Variants in SCG5 observed in about 807,000 individuals in gnomAD.
SCG5 encodes secretogranin V.
Under a neutral mutation model 25.7 loss-of-function variants are expected in SCG5, and 18 were observed. That is an observed-to-expected ratio of 0.70 (90% confidence interval 0.48 to 1.04). The LOEUF (loss-of-function observed/expected upper bound fraction) is 1.04, where lower values mean the gene tolerates loss of function less well. Among genes scored for constraint, SCG5 ranks in the 50% least tolerant of loss-of-function variants. SCG5 has a pLI of 0.00. For synonymous variants in SCG5, 101 were observed against 91.7 expected (o/e 1.10, Z -0.58); for missense variants, 206 against 259.8 (o/e 0.79, Z 1.42).
chr15:32,644,625 C>G (rs2053914865), intron 2 of SCG5, among the ~76,000 whole-genome samples: 1 of 152,152 alleles, frequency 6.6e-6, no homozygotes, highest in African/African-American at 2.4e-5. Context: ...TCCTTATTTC[C>G]ATGCTTTGCT....
intron 2 of SCG5, among the ~76,000 whole-genome samples, chr15:32,663,076 T>TAA (rs1191622961): frequency 8.6e-4 from 49 of 57,096 alleles, no homozygotes; most frequent in Admixed American, 1.8e-3. Context: ...TATATATATA[T>TAA]ATAATATATA....
intron 2 of SCG5, among the ~76,000 whole-genome samples, chr15:32,661,386 G>A (rs1208147758): frequency 2.0e-5 from 3 of 152,172 alleles, no homozygotes; most frequent in Non-Finnish European, 2.9e-5. Flanking sequence ...TTGGGAGGCC[G>A]AGGCGGGCGG....
chr15:32,672,326 A>G (rs1456002156), intron 2 of SCG5, among the ~76,000 whole-genome samples: 1 of 152,208 alleles, frequency 6.6e-6, no homozygotes, highest in Non-Finnish European at 1.5e-5. Flanking sequence ...ATGAATCCCC[A>G]GGGCTGCAGG....
At chr15:32,681,777 G>A (rs2054625480) in intron 3 of SCG5, among the ~76,000 whole-genome samples, 1 of 151,944 alleles carries the variant, frequency 6.6e-6, no homozygotes, top group Non-Finnish European at 1.5e-5. Context: ...CCCATAACTA[G>A]TCTGACATCA....
At chr15:32,664,086 AG>A (rs764924155) in intron 2 of SCG5, among the ~76,000 whole-genome samples, 4 of 152,226 alleles carry the variant, frequency 2.6e-5, no homozygotes, top group Non-Finnish European at 4.4e-5. Context: ...GTGAGCACCC[AG>A]TGAGAGTGGC....
intron 2 of SCG5, among the ~76,000 whole-genome samples, chr15:32,648,785 A>ATTT (rs1263631676): frequency 0.16 from 22,477 of 139,862 alleles, 1,915 homozygotes; most frequent in African/African-American, 0.24. Flanking sequence ...TTTTTTTTTA[A>ATTT]AAAAAAAACA....
intron 2 of SCG5, among the ~76,000 whole-genome samples, chr15:32,666,892 C>T (rs1220164836): frequency 6.6e-6 from 1 of 152,210 alleles, no homozygotes; most frequent in Non-Finnish European, 1.5e-5. Context: ...TGTCTAGCCT[C>T]CTCTATACAC....
chr15:32,646,197 A>G (rs1276930132), intron 2 of SCG5, among the ~76,000 whole-genome samples: 1 of 152,238 alleles, frequency 6.6e-6, no homozygotes, highest in East Asian at 1.9e-4. Context: ...CTATTACTGT[A>G]TAACAAATTA....
At chr15:32,667,677 C>CTTT (rs11457121) in intron 2 of SCG5, among the ~76,000 whole-genome samples, 35 of 145,840 alleles carry the variant, frequency 2.4e-4, no homozygotes, top group East Asian at 1.4e-3. Context: ...TAGTTTTATT[C>CTTT]TTTTTTTTTT....
At chr15:32,662,495 TAGTCTCTGAAATA>T (rs2054235895) in intron 2 of SCG5, among the ~76,000 whole-genome samples, 1 of 151,896 alleles carries the variant, frequency 6.6e-6, no homozygotes. Context: ...TTGCTTTTCT[TAGTCTCTGAAATA>T]TTTGTTAATA....
At chr15:32,692,310 G>A (rs1367721249) in intron 5 of SCG5, 3 of 981,694 alleles carry the variant, frequency 3.1e-6, no homozygotes, top group Non-Finnish European at 3.6e-6. Context: ...TGTAATATTT[G>A]TTTGCTGTCT....
chr15:32,658,259 A>G (rs953284309), intron 2 of SCG5, among the ~76,000 whole-genome samples: 30 of 151,998 alleles, frequency 2.0e-4, no homozygotes, highest in African/African-American at 7.3e-4. Context: ...GGGACATCAA[A>G]CTTAAAATGC....
At chr15:32,686,425 C>T (rs1048627590) in intron 4 of SCG5, among the ~76,000 whole-genome samples, 1 of 151,898 alleles carries the variant, frequency 6.6e-6, no homozygotes, top group Admixed American at 6.6e-5. Flanking sequence ...GAATCCAAGA[C>T]ATTTTAAAGG....
intron 2 of SCG5, among the ~76,000 whole-genome samples, chr15:32,654,870 G>T (rs1447393530): frequency 6.6e-6 from 1 of 152,142 alleles, no homozygotes; most frequent in African/African-American, 2.4e-5. Flanking sequence ...CAGCAAGTGG[G>T]ACTCGTGTTA....
chr15:32,651,978 G>A (rs2054038005), intron 2 of SCG5, among the ~76,000 whole-genome samples: 1 of 152,158 alleles, frequency 6.6e-6, no homozygotes, highest in South Asian at 2.1e-4. Flanking sequence ...CCCTGGGTGG[G>A]TATTGAGAAC....
At chr15:32,679,980 ACAT>A in intron 3 of SCG5, 65 bp downstream of exon 3, 1 of 1,379,078 alleles carries the variant, frequency 7.3e-7, no homozygotes. Flanking sequence ...AGAAATTCTA[ACAT>A]CAGCTACAAA....
chr15:32,659,256 G>A (rs2054178460), intron 2 of SCG5, among the ~76,000 whole-genome samples: 1 of 152,238 alleles, frequency 6.6e-6, no homozygotes, highest in Non-Finnish European at 1.5e-5. Flanking sequence ...GCACTGCACA[G>A]CATGTGCCGG....
At chr15:32,645,979 C>T (rs977556750) in intron 2 of SCG5, among the ~76,000 whole-genome samples, 2 of 152,074 alleles carry the variant, frequency 1.3e-5, no homozygotes, top group African/African-American at 2.4e-5. Flanking sequence ...CCACCACGCC[C>T]GGCTAATTTT....
intron 5 of SCG5, among the ~76,000 whole-genome samples, chr15:32,695,921 T>A (rs112192671): frequency 6.6e-6 from 1 of 152,140 alleles, no homozygotes; most frequent in African/African-American, 2.4e-5. Context: ...TAATAATTTT[T>A]AAAAAGACCA....
Sources: gnomAD v4.1 joint callset for allele counts (sites outside exome capture counted in the v4.1 genomes callset) on GRCh38, gnomAD v4.1.1 for gene constraint, MANE v1.5 for transcripts, NCBI Gene and HGNC (gene_info 2026-07-23, HGNC 2026-07-21) for gene names.